GSK3B: variants seen among roughly 807,000 people sequenced by gnomAD.
The protein encoded by GSK3B is glycogen synthase kinase 3 beta.
GSK3B carries 15 observed loss-of-function variants against 56.4 expected under a neutral mutation model. The observed-to-expected ratio is 0.27, with a 90% CI of 0.18 to 0.41. GSK3B has a LOEUF of 0.41. GSK3B is among the 10% of genes least tolerant of loss of function. The pLI, the probability that GSK3B is intolerant of heterozygous loss-of-function variation, is 1.00. For synonymous variants in GSK3B, 181 were observed against 188.9 expected, an observed-to-expected ratio of 0.96 and a Z score of 0.34; for missense variants, 300 against 513.4, an observed-to-expected ratio of 0.58 and a Z score of 4.02.
At chr3:119,979,974 G>C (rs142744827) in intron 2 of GSK3B, among the ~76,000 whole-genome samples, 396 of 152,062 alleles carry the variant, frequency 2.6e-3, no homozygotes, top group African/African-American at 8.5e-3. Context: ...TAATCCAATT[G>C]GGAAATTAGC....
chr3:119,869,223 C>CAAAAAAAAAAAAAAAAAAAAAAAA (rs67194724), intron 8 of GSK3B, among the ~76,000 whole-genome samples: 1 of 54,838 alleles, frequency 1.8e-5, no homozygotes, highest in Non-Finnish European at 3.0e-5. Flanking sequence ...GATTCCATCT[C>CAAAAAAAAAAAAAAAAAAAAAAAA]AAAAAAAAAA....
intron 7 of GSK3B, among the ~76,000 whole-genome samples, chr3:119,904,406 C>G (rs1272627455): frequency 6.6e-6 from 1 of 152,052 alleles, no homozygotes; most frequent in African/African-American, 2.4e-5. Context: ...ATAGGAAACT[C>G]AAAAATGGTA....
At chr3:119,870,992 C>T (rs563109786) in intron 8 of GSK3B, among the ~76,000 whole-genome samples, 2 of 152,224 alleles carry the variant, frequency 1.3e-5, no homozygotes, top group African/African-American at 4.8e-5. Flanking sequence ...GTTTTGTGCC[C>T]TCTAGGCCTC....
chr3:119,949,792 T>TAA (rs2057137370), intron 2 of GSK3B, among the ~76,000 whole-genome samples: 1 of 39,094 alleles, frequency 2.6e-5, no homozygotes. Context: ...AGACTCCGTC[T>TAA]CAAAAAAAAA....
chr3:119,906,300 A>G (rs1231401278), intron 6 of GSK3B, among the ~76,000 whole-genome samples: 1 of 152,108 alleles, frequency 6.6e-6, no homozygotes, highest in East Asian at 1.9e-4. Context: ...TCTGAGGAAC[A>G]CTTTTAAGAC....
chr3:119,954,222 GAGAATAGAAT>G (rs1262281777), intron 2 of GSK3B, among the ~76,000 whole-genome samples: 14,193 of 101,184 alleles, frequency 0.14, 978 homozygotes, highest in Admixed American at 0.15. Context: ...AGTGTGGAAG[GAGAATAGAAT>G]AGAATAGAAT....
chr3:119,999,836 A>G (rs553384743), intron 2 of GSK3B, among the ~76,000 whole-genome samples: 2 of 152,340 alleles, frequency 1.3e-5, no homozygotes, highest in African/African-American at 4.8e-5. Context: ...GGAGAGTAAC[A>G]TAAAAAGTTT....
Position 119,947,324 on chromosome 3 carries a change from G to T in GSK3B, c.310C>A (p.Leu104Ile). ...KNRELQIMRKLDHCNIVRLRY... is the reference protein window; with the variant it reads ...KNRELQIMRKIDHCNIVRLRY... ...AATCGGACTATGTTACAGTGATCTA[G>T]CTTTCTCATGATCTGGAGCTCTCGA... is the stretch of plus-strand genomic sequence containing the variant. The change falls in exon 3 of 11, where the codon CTA (leucine) becomes ATA (isoleucine). Residue 104 changes from leucine (L) to isoleucine (I), a missense_variant. Physicochemically the swap from Leu to Ile is conservative, Grantham distance 5. Coordinates refer to ENST00000264235, the MANE Select transcript of GSK3B (RefSeq NM_001146156.2). 1.2e-6 allele frequency: 2 copies of T among 1,603,872 alleles called. No individual in the cohort carries two copies. The highest frequency in any genetic ancestry group is 1.7e-6 in the Non-Finnish European group (2 of 1,171,016).
chr3:120,054,392 C>A (rs1208222649), intron 1 of GSK3B, among the ~76,000 whole-genome samples: 8 of 152,198 alleles, frequency 5.3e-5, no homozygotes, highest in Non-Finnish European at 1.0e-4. Flanking sequence ...CTTCTACACC[C>A]AACTTCCCAG....
intron 7 of GSK3B, among the ~76,000 whole-genome samples, chr3:119,885,542 G>A (rs2056426774): frequency 6.6e-6 from 1 of 151,926 alleles, no homozygotes; most frequent in Non-Finnish European, 1.5e-5. Flanking sequence ...CACAGAACTA[G>A]AAGAAACTAC....
chr3:120,020,398 C>T (rs1322703993), intron 1 of GSK3B, among the ~76,000 whole-genome samples: 1 of 152,078 alleles, frequency 6.6e-6, no homozygotes, highest in Non-Finnish European at 1.5e-5. Context: ...TATAGTAACC[C>T]CATGTTAACC....
At position 119,821,656 on chromosome 3, in the gene GSK3B, TA is replaced by T; in HGVS notation, c.*5131del. 6.6e-6 allele frequency: 1 copy of T among 152,582 alleles called. No individual in the cohort carries two copies. The highest frequency in any genetic ancestry group is 1.5e-5 in the Non-Finnish European group (1 of 68,194). The allele number at this position is 152,582 out of a possible 1,614,324, so 9.5% of individuals were successfully genotyped here. A position where few individuals can be genotyped will look rare whatever the true frequency, so the allele number is the denominator to read the frequency against. Reference sequence around the variant, plus strand: ...TCAAAGACAGCAGCTTATACACATTTAAAAACTGTCCCTTTCAGAGTTGTTT... The same window carrying T: ...TCAAAGACAGCAGCTTATACACATTTAAAACTGTCCCTTTCAGAGTTGTTT... On this transcript the variant is annotated 3_prime_UTR_variant, in exon 11 of 11. Coordinates refer to ENST00000264235, the MANE Select transcript of GSK3B (RefSeq NM_001146156.2).
chr3:120,060,163 C>T (rs953886301), intron 1 of GSK3B, among the ~76,000 whole-genome samples: 1 of 151,910 alleles, frequency 6.6e-6, no homozygotes, highest in African/African-American at 2.4e-5. Context: ...AGAATAGACA[C>T]AGATAAACAA....
At chr3:120,013,424 G>C (rs2107500436) in intron 1 of GSK3B, among the ~76,000 whole-genome samples, 1 of 152,340 alleles carries the variant, frequency 6.6e-6, no homozygotes, top group Non-Finnish European at 1.5e-5. Flanking sequence ...GGTGCTTTTA[G>C]AGAATATGAA....
At chr3:119,840,831 A>T (rs550410642) in intron 10 of GSK3B, among the ~76,000 whole-genome samples, 2 of 152,352 alleles carry the variant, frequency 1.3e-5, no homozygotes, top group Non-Finnish European at 2.9e-5. Context: ...AAGTTCATTT[A>T]CTGTATCTCT....
At chr3:119,857,603 G>A (rs1338042625) in intron 9 of GSK3B, among the ~76,000 whole-genome samples, 3 of 152,298 alleles carry the variant, frequency 2.0e-5, no homozygotes, top group Non-Finnish European at 2.9e-5. Context: ...TTCCTCCACT[G>A]AAGTCTTGAG....
At chr3:119,833,337 C>A (rs2055633784) in intron 10 of GSK3B, among the ~76,000 whole-genome samples, 2 of 152,054 alleles carry the variant, frequency 1.3e-5, no homozygotes, top group African/African-American at 4.8e-5. Context: ...AAAGGCCCTG[C>A]CACCATGAAT....
chr3:120,003,423 C>G, intron 1 of GSK3B, among the ~76,000 whole-genome samples: 1 of 152,220 alleles, frequency 6.6e-6, no homozygotes, highest in East Asian at 1.9e-4. Flanking sequence ...AAAATGTCTA[C>G]TGTTTCTTCT....
chr3:119,951,359 G>A (rs532717650), intron 2 of GSK3B, among the ~76,000 whole-genome samples: 1 of 152,194 alleles, frequency 6.6e-6, no homozygotes, highest in Non-Finnish European at 1.5e-5. Flanking sequence ...ATCACCTGAG[G>A]ACAGGAGTTC....
Sources: allele counts gnomAD v4.1 joint callset (sites outside exome capture counted in the v4.1 genomes callset), GRCh38; gene constraint gnomAD v4.1.1; transcripts MANE v1.5; gene names NCBI Gene and HGNC (gene_info 2026-07-23, HGNC 2026-07-21).